The following DIS3L2 variants were observed in gnomAD, a reference collection of about 807,000 sequenced individuals.
DIS3L2 encodes the protein DIS3 like 3'-5' exoribonuclease 2, also known as DIS3-like exonuclease 2.
DIS3L2 carries 34 observed loss-of-function variants against 97.5 expected under a neutral mutation model. The ratio of observed to expected loss-of-function variants is 0.35; its 90% CI spans 0.27 to 0.46. The LOEUF is 0.46. DIS3L2 is among the 20% of genes least tolerant of loss of function. The pLI, the probability that DIS3L2 is intolerant of heterozygous loss-of-function variation, is 1.00. For missense variants in DIS3L2, 1,038 were observed against 1,146.0 expected (o/e 0.91, Z 1.36); for synonymous variants, 435 against 445.2 (o/e 0.98, Z 0.29).
intron 6 of DIS3L2, among the ~76,000 whole-genome samples, chr2:232,096,545 A>T (rs1337297125): frequency 6.6e-6 from 1 of 152,134 alleles, no homozygotes; most frequent in African/African-American, 2.4e-5. Flanking sequence ...CTTTAAAGCC[A>T]ATAACTCGTA....
chr2:232,189,250 C>G (rs1018376769), intron 9 of DIS3L2, among the ~76,000 whole-genome samples: 1 of 152,194 alleles, frequency 6.6e-6, no homozygotes, highest in African/African-American at 2.4e-5. Flanking sequence ...TGAAAACCTA[C>G]ATTCTCAAAA....
Position 232,243,507 on chromosome 2 carries a change from A to G in DIS3L2, c.1317+4862A>G, listed in dbSNP as rs1693163739. ...AGTACCTGGGCCCTTTCCCCCAGTC[A>G]TATCCTCTTGAGGCTCTGAATAACT... On this transcript the variant is annotated intron_variant, in intron 11 of 20. Transcript: ENST00000325385. Among the ~76,000 whole-genome samples, 5 of 152,142 alleles carry G rather than the reference A, an allele frequency of 3.3e-5. No homozygotes were observed. The South Asian group carries it at 1.0e-3, about 32-fold the overall frequency.
rs1233990041 is a variant in DIS3L2 at position 232,201,401 on chromosome 2, G to A, written c.1125-8925G>A. 3.3e-5 allele frequency among the ~76,000 whole-genome samples: 5 copies of A among 152,304 alleles called. No individual in the cohort carries two copies. In the East Asian group the frequency reaches 9.6e-4, roughly 29 times the overall value. ...TCTATCCCTTTCTTCCTCCTTCTGT[G>A]AGGAAACAATCTAATAAATCCAGAA... On this transcript the variant is annotated intron_variant, in intron 9 of 20. Coordinates refer to ENST00000325385, the MANE Select transcript of DIS3L2 (RefSeq NM_152383.5).
intron 1 of DIS3L2, among the ~76,000 whole-genome samples, chr2:231,995,297 G>A (rs1693701144): frequency 6.6e-6 from 1 of 152,072 alleles, no homozygotes; most frequent in African/African-American, 2.4e-5. Context: ...GTTCAGCAAT[G>A]GGTGCCACCA....
chr2:231,993,055 C>T (rs1693628207), intron 1 of DIS3L2, among the ~76,000 whole-genome samples: 1 of 152,116 alleles, frequency 6.6e-6, no homozygotes, highest in African/African-American at 2.4e-5. Context: ...TGCTGTCAGC[C>T]CAGATGTTCT....
downstream of DIS3L2, chr2:232,340,760 G>A (rs747938468): frequency 1.3e-5 from 6 of 471,126 alleles, no homozygotes; most frequent in East Asian, 7.0e-5. Context: ...TCCTCAACTC[G>A]GAGACCCAGC....
At chr2:232,262,018 G>A (rs1574979000) in intron 12 of DIS3L2, among the ~76,000 whole-genome samples, 1 of 152,318 alleles carries the variant, frequency 6.6e-6, no homozygotes. Flanking sequence ...AGTGCCCTGT[G>A]TTGTCTTTGA....
intron 5 of DIS3L2, among the ~76,000 whole-genome samples, chr2:232,042,115 T>C (rs950247881): frequency 3.3e-5 from 5 of 152,152 alleles, no homozygotes; most frequent in Middle Eastern, 3.2e-3. Flanking sequence ...TCTGAAAGAA[T>C]AAAGGAAGTG....
chr2:232,168,870 T>C (rs1339134035), intron 9 of DIS3L2, among the ~76,000 whole-genome samples: 1 of 152,236 alleles, frequency 6.6e-6, no homozygotes, highest in Non-Finnish European at 1.5e-5. Context: ...TTGGATCTGA[T>C]AACCTTTTCC....
chr2:232,145,711 T>C (rs1392434023), intron 8 of DIS3L2, among the ~76,000 whole-genome samples: 2 of 152,222 alleles, frequency 1.3e-5, no homozygotes, highest in Admixed American at 1.3e-4. Context: ...TTGAGTTTTA[T>C]TTGTTTTTGC....
intron 13 of DIS3L2, among the ~76,000 whole-genome samples, chr2:232,298,321 T>C (rs1215665011): frequency 6.6e-6 from 1 of 152,170 alleles, no homozygotes; most frequent in African/African-American, 2.4e-5. Flanking sequence ...CTGAGTCAAA[T>C]CATATGAAAA....
At position 232,014,982 on chromosome 2, in the gene DIS3L2, A is replaced by C. The variant is rs773905464; in HGVS notation, c.52+3A>C. On this transcript the variant is annotated splice_donor_region_variant and intron_variant, in intron 2 of 20. Transcript: ENST00000325385. ...CCGGCCCCTGGGGACCCCCAGAGGT[A>C]GTAAAAGGAAAATGGAGTCTGCCTG... is the stretch of plus-strand genomic sequence containing the variant. 6.2e-7 allele frequency: 1 copy of C among 1,613,930 alleles called. No homozygotes were observed. The highest frequency in any genetic ancestry group is 8.5e-7 in the Non-Finnish European group (1 of 1,179,888).
chr2:231,990,797 G>A (rs1166008896), intron 1 of DIS3L2, among the ~76,000 whole-genome samples: 1 of 152,130 alleles, frequency 6.6e-6, no homozygotes. Context: ...CACTCAAGCA[G>A]TATCCTTCAT....
At chr2:232,031,892 A>C (rs963053131) in intron 5 of DIS3L2, among the ~76,000 whole-genome samples, 3 of 152,110 alleles carry the variant, frequency 2.0e-5, no homozygotes, top group Non-Finnish European at 4.4e-5. Context: ...TTCTTTATCC[A>C]GTCTAACATT....
At chr2:232,297,701 CTTT>C (rs11309721) in intron 13 of DIS3L2, among the ~76,000 whole-genome samples, 65 of 106,084 alleles carry the variant, frequency 6.1e-4, no homozygotes, top group Middle Eastern at 4.7e-3. Context: ...CCTTCCAAGT[CTTT>C]TTTTTTTTTT....
Position 232,238,540 on chromosome 2 carries a change from C to G in DIS3L2, c.1212C>G (p.Phe404Leu), listed in dbSNP as rs1692996224. 1 of 1,613,984 alleles carries G rather than the reference C, an allele frequency of 6.2e-7. No individual in the cohort carries two copies. Among genetic ancestry groups the G allele is most frequent in the Middle Eastern group, 1.7e-4 (1 of 6,060 alleles). The change falls in exon 11 of 21, where the codon TTC (phenylalanine) becomes TTG (leucine). Residue 404 changes from phenylalanine to leucine, a missense_variant. This residue lies in a region of DIS3L2 where 813 missense variants were observed against 880.1 expected (regional missense o/e 0.92). Coordinates refer to ENST00000325385, the MANE Select transcript of DIS3L2 (RefSeq NM_152383.5). ...CTTCTCGTGCATTTACAGGCAACTT[C>G]AAAGTGGGAGTTCACATTGCTGACG... Reference protein sequence around the residue: ...LSCKPLADGNFKVGVHIADVS... With the variant: ...LSCKPLADGNLKVGVHIADVS...
intron 13 of DIS3L2, among the ~76,000 whole-genome samples, chr2:232,279,494 A>C (rs1482617443): frequency 2.9e-5 from 4 of 140,062 alleles, no homozygotes; most frequent in African/African-American, 1.1e-4. Flanking sequence ...AGTTTGGAGA[A>C]TTGGTGTGTG....
At chr2:232,139,935 A>G (rs1254059639) in intron 8 of DIS3L2, among the ~76,000 whole-genome samples, 1 of 152,172 alleles carries the variant, frequency 6.6e-6, no homozygotes, top group African/African-American at 2.4e-5. Flanking sequence ...AATTAGAAAT[A>G]GGGCATGAGG....
chr2:232,316,446 G>A (rs956354526), intron 14 of DIS3L2, among the ~76,000 whole-genome samples: 3 of 151,982 alleles, frequency 2.0e-5, no homozygotes, highest in Non-Finnish European at 4.4e-5. Flanking sequence ...TTACAGTCAG[G>A]GCCAGTTGTC....
Sources: allele counts gnomAD v4.1 joint callset (sites outside exome capture counted in the v4.1 genomes callset), GRCh38; gene constraint gnomAD v4.1.1; regional missense constraint gnomAD v4.1.1; transcripts MANE v1.5; gene names NCBI Gene and HGNC (gene_info 2026-07-23, HGNC 2026-07-21).